The following PTPRT variants were observed in gnomAD, a reference collection of about 807,000 sequenced individuals.
The protein encoded by PTPRT is receptor-type tyrosine-protein phosphatase T.
Under a neutral mutation model 176.8 loss-of-function variants are expected in PTPRT, and 56 were observed. That is an observed-to-expected ratio of 0.32 (90% CI 0.26 to 0.40). PTPRT has a LOEUF of 0.40. Ranked by LOEUF, PTPRT falls within the 10% of genes least tolerant of loss-of-function variation. PTPRT has a pLI of 1.00. For synonymous variants in PTPRT, 783 were observed against 739.0 expected (o/e 1.06, Z -0.96); for missense variants, 1,540 against 1,908.2 (o/e 0.81, Z 3.60).
At chr20:42,105,303 C>T (rs1283378960) in intron 24 of PTPRT, among the ~76,000 whole-genome samples, 1 of 152,146 alleles carries the variant, frequency 6.6e-6, no homozygotes, top group African/African-American at 2.4e-5. Flanking sequence ...TCCCATTCAC[C>T]AGCCACTGTG....
chr20:43,102,387 T>C (rs1032139860), intron 1 of PTPRT, among the ~76,000 whole-genome samples: 1 of 151,832 alleles, frequency 6.6e-6, no homozygotes, highest in African/African-American at 2.4e-5. Context: ...GAAAATAAAA[T>C]ATTCAGCTGA....
chr20:42,375,813 T>G (rs2058644015), intron 9 of PTPRT, among the ~76,000 whole-genome samples: 1 of 152,314 alleles, frequency 6.6e-6, no homozygotes, highest in South Asian at 2.1e-4. Context: ...ATAGAATGAT[T>G]GACAGTCAAT....
intron 8 of PTPRT, among the ~76,000 whole-genome samples, chr20:42,453,616 T>G (rs760407595): frequency 1.6e-4 from 24 of 151,744 alleles, no homozygotes; most frequent in Non-Finnish European, 3.4e-4. Context: ...AATAAATAAA[T>G]AAATAAAATA....
rs549854697 is a variant in PTPRT at position 42,471,830 on chromosome 20, G to T, written c.1450+436C>A. Among the ~76,000 whole-genome samples the T allele has an allele frequency of 2.0e-5, 3 of 151,832 alleles. No homozygotes were observed. In the South Asian group the frequency reaches 6.2e-4, roughly 32 times the overall value. ...GCTGCCACGCCTGGTAATTTCTTTT[G>T]TATTTTAGTAGAGACAGGGTTTCAC... is the stretch of plus-strand genomic sequence containing the variant. On this transcript the variant is annotated intron_variant, in intron 8 of 30. Coordinates refer to ENST00000373187, the MANE Select transcript of PTPRT (RefSeq NM_007050.6).
intron 16 of PTPRT, among the ~76,000 whole-genome samples, chr20:42,194,760 C>G (rs1320328399): frequency 2.0e-5 from 3 of 152,134 alleles, no homozygotes; most frequent in Non-Finnish European, 4.4e-5. Context: ...ACACGTACTC[C>G]TTTTTCAAGA....
intron 1 of PTPRT, among the ~76,000 whole-genome samples, chr20:42,934,548 C>T (rs1275249479): frequency 6.6e-6 from 1 of 152,124 alleles, no homozygotes; most frequent in Admixed American, 6.5e-5. Flanking sequence ...GAAGGCATCA[C>T]TGGGGAATAA....
chr20:42,376,090 G>A (rs1003540653), intron 9 of PTPRT, among the ~76,000 whole-genome samples: 1 of 152,202 alleles, frequency 6.6e-6, no homozygotes, highest in Non-Finnish European at 1.5e-5. Context: ...TGATCACAGT[G>A]GATGGGGAAA....
chr20:42,816,544 G>A (rs532032353), intron 2 of PTPRT, among the ~76,000 whole-genome samples: 1 of 152,172 alleles, frequency 6.6e-6, no homozygotes. Context: ...TCGAGGAAGG[G>A]AGGTGACTGG....
In PTPRT at chr20:42,640,299, T is replaced by C. The variant is rs370649022; in HGVS notation, c.1153+37567A>G. 4.6e-5 allele frequency among the ~76,000 whole-genome samples: 7 copies of C among 152,302 alleles called. No homozygotes were observed. The East Asian group carries it at 1.2e-3, about 25-fold the overall frequency. On this transcript the variant is annotated intron_variant, in intron 7 of 30. Coordinates refer to ENST00000373187, the MANE Select transcript of PTPRT (RefSeq NM_007050.6). Reference sequence around the variant, plus strand: ...TGTCTATACATTTTTGCTTACATTTTAGTCACATTGTTTGGTATAAAGAGT... The same window carrying C: ...TGTCTATACATTTTTGCTTACATTTCAGTCACATTGTTTGGTATAAAGAGT...
At chr20:42,369,765 A>G (rs2058562789) in intron 9 of PTPRT, among the ~76,000 whole-genome samples, 1 of 152,188 alleles carries the variant, frequency 6.6e-6, no homozygotes, top group Admixed American at 6.5e-5. Context: ...GAGAAAAGGA[A>G]GAGAAGCCTG....
At chr20:42,236,316 G>T (rs2056241670) in intron 14 of PTPRT, 58 bp from the exon 15 acceptor site, 8 of 1,343,122 alleles carry the variant, frequency 6.0e-6, no homozygotes, top group African/African-American at 1.5e-5. Context: ...AAAAAGAAAA[G>T]ACAAACAAAC....
chr20:42,575,090 A>G (rs1043061247), intron 7 of PTPRT, among the ~76,000 whole-genome samples: 2 of 152,140 alleles, frequency 1.3e-5, no homozygotes, highest in Admixed American at 6.5e-5. Context: ...ATACACAGGG[A>G]AAAAGGACCG....
chr20:42,336,226 CTG>C (rs1016932854), intron 11 of PTPRT, among the ~76,000 whole-genome samples: 1 of 152,016 alleles, frequency 6.6e-6, no homozygotes, highest in African/African-American at 2.4e-5. Context: ...TAACAAAAAA[CTG>C]TGGCTTAACT....
chr20:42,834,429 T>C (rs530077917), intron 2 of PTPRT, among the ~76,000 whole-genome samples: 43 of 152,204 alleles, frequency 2.8e-4, no homozygotes, highest in African/African-American at 9.4e-4. Flanking sequence ...GTATGCAAAA[T>C]GGTACAACCA....
chr20:42,206,634 G>T (rs181470020), intron 15 of PTPRT, among the ~76,000 whole-genome samples: 1 of 152,206 alleles, frequency 6.6e-6, no homozygotes, highest in Non-Finnish European at 1.5e-5. Flanking sequence ...AGGGTCCTAC[G>T]CCCACGGAGT....
At chr20:42,493,777 TC>T (rs2071602160) in intron 7 of PTPRT, among the ~76,000 whole-genome samples, 1 of 152,090 alleles carries the variant, frequency 6.6e-6, no homozygotes, top group Admixed American at 6.6e-5. Flanking sequence ...AAGTCTTCTG[TC>T]TTTCTTATTT....
At chr20:42,691,991 T>C (rs574664939) in intron 6 of PTPRT, among the ~76,000 whole-genome samples, 20 of 152,322 alleles carry the variant, frequency 1.3e-4, no homozygotes, top group African/African-American at 3.6e-4. Flanking sequence ...TTCTCAAGCA[T>C]AGGCCCAGGG....
At chr20:42,468,753 G>T (rs561982916) in intron 8 of PTPRT, among the ~76,000 whole-genome samples, 4 of 152,200 alleles carry the variant, frequency 2.6e-5, no homozygotes, top group African/African-American at 9.6e-5. Context: ...TCTTTAAAAA[G>T]GTGCCCTGAG....
intron 11 of PTPRT, among the ~76,000 whole-genome samples, chr20:42,334,003 T>C (rs2058005646): frequency 6.6e-6 from 1 of 152,206 alleles, no homozygotes; most frequent in South Asian, 2.1e-4. Context: ...TAATTTCTAA[T>C]ACAGTAAACA....
Sources: gnomAD v4.1 joint callset for allele counts (sites outside exome capture counted in the v4.1 genomes callset) on GRCh38, gnomAD v4.1.1 for gene constraint, MANE v1.5 for transcripts, NCBI Gene and HGNC (gene_info 2026-07-23, HGNC 2026-07-21) for gene names.